The following SHANK1 variants were observed in gnomAD, a reference collection of about 807,000 sequenced individuals.
SHANK1 encodes SH3 and multiple ankyrin repeat domains 1, also known as SH3 and multiple ankyrin repeat domains protein 1.
Under a neutral mutation model 165.6 loss-of-function variants are expected in SHANK1, and 35 were observed. That is an observed-to-expected ratio of 0.21 (90% confidence interval 0.16 to 0.28). The LOEUF (loss-of-function observed/expected upper bound fraction) is 0.28. Ranked by LOEUF, SHANK1 falls within the 10% of genes least tolerant of loss-of-function variation. The probability of loss-of-function intolerance (pLI) is 1.00; values close to 1 mark genes in which losing one functional copy is unlikely to be tolerated. For missense variants in SHANK1, 2,681 were observed against 3,036.4 expected, an observed-to-expected ratio of 0.88 and a Z score of 2.75; for synonymous variants, 1,428 against 1,384.8, an observed-to-expected ratio of 1.03 and a Z score of -0.69.
chr19:50,672,163 T>G, intron 21 of SHANK1, 49 bp from the exon 22 acceptor site: 1 of 1,443,378 alleles, frequency 6.9e-7, no homozygotes, highest in Admixed American at 1.8e-5. Flanking sequence ...TAGAGAGAGA[T>G]CAGTCAGCGC....
In SHANK1 at chr19:50,718,276, C is replaced by A. The variant is rs1242161608; in HGVS notation, c.-44+1130G>T. 6.6e-6 allele frequency among the ~76,000 whole-genome samples: 1 copy of A among 151,518 alleles called. No homozygotes were observed. Among genetic ancestry groups the A allele is most frequent in the Non-Finnish European group, 1.5e-5 (1 of 67,794 alleles). On this transcript the variant is annotated intron_variant, in intron 1 of 23. Transcript: ENST00000293441. The surrounding 1 kb of genome is among the most constrained non-coding windows in gnomAD (Gnocchi z 5.1). ...GCCCCCTCCCCCTCCAGGTACCCAG[C>A]CACGCCGCCCCACCTCGTCCCTGCG...
chr19:50,665,928 T>C (rs1985482084), intron 23 of SHANK1, among the ~76,000 whole-genome samples: 1 of 139,556 alleles, frequency 7.2e-6, no homozygotes, highest in Non-Finnish European at 1.6e-5. Flanking sequence ...GGAGAATCGC[T>C]TGAACCCGGG....
chr19:50,711,182 TTGGA>T (rs36023521), intron 8 of SHANK1, 185 bp downstream of exon 8: 11,370 of 557,982 alleles, frequency 0.02, 410 homozygotes, highest in African/African-American at 0.12. Context: ...TAAATATCTG[TTGGA>T]TGGATGGATG....
Position 50,689,051 on chromosome 19 carries a change from G to T in SHANK1, c.2048-83C>A, listed in dbSNP as rs533818642. ...GGGATGGGGCTCAGACCCAAGTCAC[G>T]GAGGCCTCACCGCAGCTGAGGGACC... On this transcript the variant is annotated intron_variant, in intron 16 of 23. Coordinates refer to ENST00000293441, the MANE Select transcript of SHANK1 (RefSeq NM_016148.5). The T allele has an allele frequency of 1.1e-4, 126 of 1,169,168 alleles. 2 individuals carry two copies. The South Asian group carries it at 1.5e-3, about 14-fold the overall frequency. The allele number at this position is 1,169,168 out of a possible 1,614,324, so 72.4% of individuals were successfully genotyped here.
intron 15 of SHANK1, among the ~76,000 whole-genome samples, chr19:50,692,853 A>T (rs1986585679): frequency 8.5e-6 from 1 of 117,024 alleles, no homozygotes. Flanking sequence ...CACCCTATGG[A>T]GCCATCCCCC....
chr19:50,667,245 T>G lies in SHANK1; in HGVS notation c.4715A>C (p.Glu1572Ala), dbSNP rs774322039. Residue 1572 changes from glutamate (E) to alanine (A), a missense_variant, in exon 23 of 24, where the codon GAA becomes GCA. By Grantham distance (107) the Glu-to-Ala change is moderately radical. This residue lies in a region of SHANK1 where 1,713 missense variants were observed against 1,630.2 expected (regional missense o/e 1.05). Transcript: ENST00000293441. The surrounding 1 kb of genome is among the most constrained non-coding windows in gnomAD (Gnocchi z 5.7). ...LFVEPLPPPL[E>A]FSNSFEKPES... ...TGGCTTTTCGAAGCTGTTGGAGAATTCCAGAGGCGGAGGCAGCGGTTCCAC... is the reference window on the plus strand; with the variant it reads ...TGGCTTTTCGAAGCTGTTGGAGAATGCCAGAGGCGGAGGCAGCGGTTCCAC... 9 of 1,591,578 alleles carry G rather than the reference T, an allele frequency of 5.7e-6. No homozygotes were observed. The highest frequency in any genetic ancestry group is 7.6e-6 in the Non-Finnish European group (9 of 1,176,658).
rs1461707051 is a variant in SHANK1 at position 50,668,572 on chromosome 19, G to A, written c.3388C>T (p.Pro1130Ser). 1.5e-5 allele frequency: 20 copies of A among 1,337,718 alleles called. No individual in the cohort carries two copies. The highest frequency in any genetic ancestry group is 1.9e-5 in the Non-Finnish European group (20 of 1,043,092). The allele number at this position is 1,337,718 out of a possible 1,614,324, so 82.9% of individuals were successfully genotyped here. A position where few individuals can be genotyped will look rare whatever the true frequency, so the allele number is the denominator to read the frequency against. ...GGGGAGGCCGGGGACGTGGGCGACG[G>A]CGCGGGCGGGAGGCCGCCGCCCTTC... Reference protein sequence around the residue: ...PQKGGGLPPAPSPTSPASPQP... With the variant: ...PQKGGGLPPASSPTSPASPQP... Residue 1130 changes from proline (P) to serine (S), a missense_variant, in exon 23 of 24, where the codon CCG (proline) becomes TCG (serine). Physicochemically the swap from Pro to Ser is moderately conservative, Grantham distance 74. Transcript: ENST00000293441.
At chr19:50,674,525 T>G (rs1483925212) in intron 21 of SHANK1, among the ~76,000 whole-genome samples, 1 of 152,150 alleles carries the variant, frequency 6.6e-6, no homozygotes, top group Non-Finnish European at 1.5e-5. Flanking sequence ...GAGCATCCTT[T>G]CCCTGGGCTC....
chr19:50,694,448 C>T (rs1056827213), intron 15 of SHANK1, among the ~76,000 whole-genome samples: 8 of 147,982 alleles, frequency 5.4e-5, no homozygotes, highest in African/African-American at 2.0e-4. Context: ...GGGATGTAGG[C>T]GGATGCGGGT....
rs200473891 is a variant in SHANK1, at chr19:50,666,573, C to T, written c.5387G>A (p.Gly1796Glu). 5.0e-3 allele frequency: 8,061 copies of T among 1,600,034 alleles called. 26 individuals carry two copies. Among genetic ancestry groups the T allele is most frequent in the Non-Finnish European group, 6.1e-3 (7,135 of 1,175,530 alleles). Residue 1796 changes from glycine to glutamate, a missense_variant, in exon 23 of 24, where the codon GGG (glycine) becomes GAG (glutamate). This residue lies in a region of SHANK1 where 1,713 missense variants were observed against 1,630.2 expected (regional missense o/e 1.05). Transcript: ENST00000293441. ...TGAACAAGCACGCAGGGCCAGCAGC[C>T]CATCGGTTCCAGCCCCTGTCACCGA... The part of the protein sequence containing the change: ...TVSVTGAGTD[G>E]LLALRACSGP...
chr19:50,708,330 C>T (rs1244038490), intron 8 of SHANK1, among the ~76,000 whole-genome samples: 2 of 152,210 alleles, frequency 1.3e-5, no homozygotes, highest in African/African-American at 2.4e-5. Context: ...CCTCATCCTA[C>T]TCTTACAAAG....
chr19:50,702,882 C>T lies in SHANK1; in HGVS notation c.1554-222G>A, dbSNP rs2123174556. Among the ~76,000 whole-genome samples the T allele has an allele frequency of 6.6e-6, 1 of 152,144 alleles. No homozygotes were observed. Among genetic ancestry groups the T allele is most frequent in the Middle Eastern group, 3.4e-3 (1 of 292 alleles). On this transcript the variant is annotated intron_variant, in intron 11 of 23. Coordinates refer to ENST00000293441, the MANE Select transcript of SHANK1 (RefSeq NM_016148.5). The surrounding 1 kb of genome is among the most constrained non-coding windows in gnomAD (Gnocchi z 5.3). Reference sequence around the variant, plus strand: ...CCTGCCTCCTGGCTTCCGGCTCTGCCCCCTCCCACGGTCCTGCGCGCACCG... The same window carrying T: ...CCTGCCTCCTGGCTTCCGGCTCTGCTCCCTCCCACGGTCCTGCGCGCACCG...
At position 50,688,809 on chromosome 19, in the gene SHANK1, CAGGGTCCCAGGGA is replaced by C; in HGVS notation, c.2172+22_2172+34del. 6.3e-7 allele frequency: 1 copy of C among 1,591,112 alleles called. No homozygotes were observed. On this transcript the variant is annotated intron_variant, in intron 17 of 23. Transcript: ENST00000293441. This position sits in a 1 kb window ranked among gnomAD's most constrained non-coding sequence, Gnocchi z 6.7. Reference sequence around the variant, plus strand: ...CATGAGGGGGTCTGGGAACTTGTCACAGGGTCCCAGGGAAGAGAGGGGGCCTGGACTGACCTCG... The same window carrying C: ...CATGAGGGGGTCTGGGAACTTGTCACAGAGAGGGGGCCTGGACTGACCTCG...
chr19:50,717,921 C>A lies in SHANK1; in HGVS notation c.-43-959G>T, dbSNP rs2089087489. On this transcript the variant is annotated intron_variant, in intron 1 of 23. Transcript: ENST00000293441. This position sits in a 1 kb window ranked among gnomAD's most constrained non-coding sequence, Gnocchi z 5.5. ...GGATCATCTCTAGATCCTTGCTGTT[C>A]TCCCTTGAGGTGGCCTTATGAGGGT... Among the ~76,000 whole-genome samples, 1 of 152,010 alleles carries A rather than the reference C, an allele frequency of 6.6e-6. No homozygotes were observed. Among genetic ancestry groups the A allele is most frequent in the African/African-American group, 2.4e-5 (1 of 41,374 alleles).
At chr19:50,710,349 G>A (rs1906418232) in intron 8 of SHANK1, among the ~76,000 whole-genome samples, 1 of 152,200 alleles carries the variant, frequency 6.6e-6, no homozygotes, top group South Asian at 2.1e-4. Context: ...AGAGGGGGCT[G>A]AGGGCTGTTT....
rs764112317 is a variant in SHANK1 at position 50,688,976 on chromosome 19, C to T, written c.2048-8G>A. 32 of 1,538,368 alleles carry T rather than the reference C, an allele frequency of 2.1e-5. No individual in the cohort carries two copies. In the Middle Eastern group the frequency reaches 5.9e-4, roughly 28 times the overall value. On this transcript the variant is annotated splice_polypyrimidine_tract_variant and splice_region_variant and intron_variant, in intron 16 of 23. Coordinates refer to ENST00000293441, the MANE Select transcript of SHANK1 (RefSeq NM_016148.5). This position sits in a 1 kb window ranked among gnomAD's most constrained non-coding sequence, Gnocchi z 6.7. Reference sequence around the variant, plus strand: ...CCTCGATGGGGGTCTGCGCTGCAGACAGGGAGGAGCCGGCGGGGTCGGAGG... The same window carrying T: ...CCTCGATGGGGGTCTGCGCTGCAGATAGGGAGGAGCCGGCGGGGTCGGAGG...
At position 50,718,318 on chromosome 19, in the gene SHANK1, C is replaced by G. The variant is rs1346219631; in HGVS notation, c.-44+1088G>C. Among the ~76,000 whole-genome samples, 9 of 152,100 alleles carry G rather than the reference C, an allele frequency of 5.9e-5. No individual in the cohort carries two copies. The highest frequency in any genetic ancestry group is 9.7e-5 in the African/African-American group (4 of 41,418). On this transcript the variant is annotated intron_variant, in intron 1 of 23. Transcript: ENST00000293441. This position sits in a 1 kb window ranked among gnomAD's most constrained non-coding sequence, Gnocchi z 5.1. ...GTCCCTGCGGAGACCCCGGCTGCCTCCTCCCTGCCCCGCCGCACAGCCCAC... is the reference window on the plus strand; with the variant it reads ...GTCCCTGCGGAGACCCCGGCTGCCTGCTCCCTGCCCCGCCGCACAGCCCAC...
chr19:50,709,182 A>G lies in SHANK1; in HGVS notation c.1077+2189T>C, dbSNP rs1032159461. 2.6e-5 allele frequency among the ~76,000 whole-genome samples: 4 copies of G among 152,352 alleles called. No individual in the cohort carries two copies. In the East Asian group the frequency reaches 7.7e-4, roughly 29 times the overall value. On this transcript the variant is annotated intron_variant, in intron 8 of 23. Coordinates refer to ENST00000293441, the MANE Select transcript of SHANK1 (RefSeq NM_016148.5). The stretch of plus-strand genomic sequence containing the variant: ...GAGACGGAGTCTCGCTCTATCACCC[A>G]GGCTGGAGTGCAGTGGCATGATCTT...
intron 19 of SHANK1, 28 bp downstream of exon 19, chr19:50,687,554 C>T: frequency 6.5e-7 from 1 of 1,537,570 alleles, no homozygotes; most frequent in Non-Finnish European, 8.8e-7. Context: ...CCCCCGGCCC[C>T]CTGGCCTCAG....
Sources: allele counts gnomAD v4.1 joint callset (sites outside exome capture counted in the v4.1 genomes callset), GRCh38; gene constraint gnomAD v4.1.1; regional missense constraint gnomAD v4.1.1; non-coding constraint Gnocchi (gnomAD v3.1); transcripts MANE v1.5; gene names NCBI Gene and HGNC (gene_info 2026-07-23, HGNC 2026-07-21).